KCNH5: variants seen among roughly 807,000 people sequenced by gnomAD.
KCNH5 encodes the protein voltage-gated delayed rectifier potassium channel KCNH5.
KCNH5 carries 46 observed loss-of-function variants against 96.1 expected under a neutral mutation model. The observed-to-expected ratio is 0.48, with a 90% CI of 0.38 to 0.61. The LOEUF (loss-of-function observed/expected upper bound fraction) is 0.61, where lower values mean the gene tolerates loss of function less well. Among genes scored for constraint, KCNH5 ranks in the 20% least tolerant of loss-of-function variants. The pLI is 0.00. For synonymous variants in KCNH5, 439 were observed against 449.8 expected (o/e 0.98, Z 0.30); for missense variants, 907 against 1,225.8 (o/e 0.74, Z 3.88).
At chr14:62,958,753 A>T (rs1040728) in intron 6 of KCNH5, among the ~76,000 whole-genome samples, 57,918 of 151,920 alleles carry the variant, frequency 0.38, 11,521 homozygotes, top group Non-Finnish European at 0.43. Context: ...TTTCTTCACA[A>T]CTGTATTATG....
chr14:62,991,524 C>T (rs181868137), intron 4 of KCNH5, among the ~76,000 whole-genome samples: 58 of 152,004 alleles, frequency 3.8e-4, no homozygotes, highest in African/African-American at 1.3e-3. Flanking sequence ...AAGCCAAAGG[C>T]GGTTGTAAAA....
intron 8 of KCNH5, among the ~76,000 whole-genome samples, chr14:62,825,095 C>T (rs984988417): frequency 5.9e-5 from 9 of 151,956 alleles, no homozygotes; most frequent in African/African-American, 1.7e-4. Context: ...TTCAGTAGAA[C>T]GATTTGTTTT....
At chr14:62,892,615 C>A (rs1888733230) in intron 7 of KCNH5, among the ~76,000 whole-genome samples, 1 of 152,138 alleles carries the variant, frequency 6.6e-6, no homozygotes. Context: ...TTCATAGCTA[C>A]AGAGAAGTCA....
At chr14:62,954,804 AG>A (rs926073316) in intron 6 of KCNH5, among the ~76,000 whole-genome samples, 9 of 152,292 alleles carry the variant, frequency 5.9e-5, no homozygotes, top group African/African-American at 2.2e-4. Flanking sequence ...GGAAGGCAAA[AG>A]GCACATCTTA....
At chr14:62,891,690 A>G (rs1888714302) in intron 7 of KCNH5, among the ~76,000 whole-genome samples, 1 of 152,174 alleles carries the variant, frequency 6.6e-6, no homozygotes, top group South Asian at 2.1e-4. Context: ...TGCATCAAGC[A>G]AGTCTATTGA....
chr14:62,792,346 T>C (rs73273173), intron 9 of KCNH5, among the ~76,000 whole-genome samples: 1,943 of 151,602 alleles, frequency 0.013, 43 homozygotes, highest in African/African-American at 0.044. Flanking sequence ...ACATAAAGAA[T>C]GAGCCAAATA....
In KCNH5 at chr14:62,816,863, A is replaced by G. The variant is rs190487650; in HGVS notation, c.1570-14282T>C. ...ATTCTTTTTTCTTCTCAAACCGAAT[A>G]TTTTCAAATGACCCATCTTCAAGTT... On this transcript the variant is annotated intron_variant, in intron 8 of 10. Coordinates refer to ENST00000322893, the MANE Select transcript of KCNH5 (RefSeq NM_139318.5). Among the ~76,000 whole-genome samples, 250 of 151,312 alleles carry G rather than the reference A, an allele frequency of 1.7e-3. 2 individuals carry two copies. Among genetic ancestry groups the G allele is most frequent in the African/African-American group, 6.0e-3 (247 of 41,336 alleles).
At chr14:62,853,464 T>TATATATATATATATATATATATATATC (rs1555360155) in intron 7 of KCNH5, among the ~76,000 whole-genome samples, 3 of 122,884 alleles carry the variant, frequency 2.4e-5, no homozygotes, top group African/African-American at 6.4e-5. Flanking sequence ...ATCATATATA[T>TATATATATATATATATATATATATATC]ATATATATAT....
At chr14:62,943,033 T>C (rs1375722441) in intron 7 of KCNH5, among the ~76,000 whole-genome samples, 1 of 152,208 alleles carries the variant, frequency 6.6e-6, no homozygotes, top group South Asian at 2.1e-4. Context: ...GCTGAATACA[T>C]ATTTAATAAT....
At chr14:62,889,255 A>G (rs2140083408) in intron 7 of KCNH5, among the ~76,000 whole-genome samples, 1 of 152,330 alleles carries the variant, frequency 6.6e-6, no homozygotes, top group South Asian at 2.1e-4. Context: ...ATACTTATTG[A>G]TTGAGAGTCA....
At chr14:62,765,891 C>A (rs1885849693) in intron 10 of KCNH5, among the ~76,000 whole-genome samples, 1 of 152,008 alleles carries the variant, frequency 6.6e-6, no homozygotes, top group Non-Finnish European at 1.5e-5. Context: ...ATACAATCGA[C>A]AAAGTGAAGA....
chr14:62,902,806 A>G (rs771012004), intron 7 of KCNH5, among the ~76,000 whole-genome samples: 5 of 149,824 alleles, frequency 3.3e-5, no homozygotes, highest in Non-Finnish European at 5.9e-5. Flanking sequence ...TGCAACCTCT[A>G]CCTCCAGGGT....
intron 6 of KCNH5, among the ~76,000 whole-genome samples, chr14:62,956,372 G>A (rs969119400): frequency 2.0e-5 from 3 of 152,120 alleles, no homozygotes; most frequent in Non-Finnish European, 2.9e-5. Flanking sequence ...GATTACAAAA[G>A]GCATGAGGAG....
At chr14:63,001,571 C>G in intron 3 of KCNH5, 112 bp from the exon 4 acceptor site, 1 of 957,610 alleles carries the variant, frequency 1.0e-6, no homozygotes, top group Admixed American at 2.7e-5. Context: ...TGCCAGGAAT[C>G]AACACCAAAA....
intron 6 of KCNH5, among the ~76,000 whole-genome samples, chr14:62,961,988 C>CAGATGCAGATGG (rs1230827222): frequency 7.1e-6 from 1 of 140,282 alleles, no homozygotes; most frequent in Non-Finnish European, 1.5e-5. Context: ...GATAGAGATG[C>CAGATGCAGATGG]AGATGCAGAT....
At chr14:62,748,574 C>T (rs973341132) in intron 10 of KCNH5, among the ~76,000 whole-genome samples, 1 of 151,698 alleles carries the variant, frequency 6.6e-6, no homozygotes, top group Non-Finnish European at 1.5e-5. Context: ...GCTTCCTTTA[C>T]AAGAGGACCT....
In KCNH5 at chr14:62,829,725, G is replaced by A. The variant is rs571030399; in HGVS notation, c.1569+19928C>T. 3.8e-4 allele frequency among the ~76,000 whole-genome samples: 58 copies of A among 152,264 alleles called. 2 individuals carry two copies. In the South Asian group the frequency reaches 1.0e-2, roughly 26 times the overall value. On this transcript the variant is annotated intron_variant, in intron 8 of 10. Transcript: ENST00000322893. ...GGGGGGATCTGCCCTGAAGATCTCC[G>A]AAATTCCCTGAAGACATTTTCCCCA...
chr14:62,935,521 G>T (rs1889662683), intron 7 of KCNH5, among the ~76,000 whole-genome samples: 1 of 152,092 alleles, frequency 6.6e-6, no homozygotes, highest in Admixed American at 6.6e-5. Context: ...GGGAAAAGGT[G>T]GTGTGAATTA....
chr14:62,903,508 CTT>C (rs929194176), intron 7 of KCNH5, among the ~76,000 whole-genome samples: 10 of 152,170 alleles, frequency 6.6e-5, no homozygotes, highest in Non-Finnish European at 1.3e-4. Context: ...AGTTGTATGA[CTT>C]TGTATATCTA....
Sources: allele counts gnomAD v4.1 joint callset (sites outside exome capture counted in the v4.1 genomes callset), GRCh38; gene constraint gnomAD v4.1.1; transcripts MANE v1.5; gene names NCBI Gene and HGNC (gene_info 2026-07-23, HGNC 2026-07-21).